Variants in POLR1A observed in about 807,000 individuals in gnomAD.
The protein encoded by POLR1A is RNA polymerase I subunit A.
A neutral mutation model predicts 205.3 loss-of-function variants in POLR1A; 84 were observed. The ratio of observed to expected loss-of-function variants is 0.41; its 90% CI spans 0.34 to 0.49. The LOEUF (loss-of-function observed/expected upper bound fraction) is 0.49. Ranked by LOEUF, POLR1A falls within the 20% of genes least tolerant of loss-of-function variation. POLR1A has a pLI of 0.22. For missense variants in POLR1A, 1,645 were observed against 2,204.5 expected (o/e 0.75, Z 5.08); for synonymous variants, 799 against 863.7 (o/e 0.93, Z 1.31).
intron 1 of POLR1A, among the ~76,000 whole-genome samples, chr2:86,104,796 A>C (rs1403363612): frequency 1.3e-5 from 2 of 152,242 alleles, no homozygotes; most frequent in Non-Finnish European, 2.9e-5. Context: ...TTTGATATGC[A>C]TTTAAGATCT....
At chr2:86,063,241 A>C (rs986780892) in intron 14 of POLR1A, among the ~76,000 whole-genome samples, 2 of 141,500 alleles carry the variant, frequency 1.4e-5, no homozygotes, top group African/African-American at 5.1e-5. Context: ...AGGCTGAGGC[A>C]GGAGAATTGC....
rs555732708 is a variant in POLR1A at position 86,049,808 on chromosome 2, TG to T, written c.2393-567del. Among the ~76,000 whole-genome samples the T allele has an allele frequency of 5.3e-5, 8 of 152,328 alleles. No individual in the cohort carries two copies. In the South Asian group the frequency reaches 8.3e-4, roughly 16 times the overall value. On this transcript the variant is annotated intron_variant, in intron 16 of 33. Transcript: ENST00000263857. ...GCATTGCTTCAGGAGGATGACAGCC[TG>T]GGTCACTTCAGTGAAGCCTGCCCTT...
chr2:86,088,769 G>A lies in POLR1A; in HGVS notation c.626+16C>T, dbSNP rs754530960. ...CCCAGAGACGTCTCACCTGGCGCAA[G>A]GGCCCTGATACTTACTTGCAGTGGG... On this transcript the variant is annotated intron_variant, in intron 5 of 33. Transcript: ENST00000263857. The A allele has an allele frequency of 2.5e-6, 4 of 1,610,370 alleles. No homozygotes were observed. The highest frequency in any genetic ancestry group is 1.3e-5 in the African/African-American group (1 of 74,880).
At position 86,100,533 on chromosome 2, in the gene POLR1A, GTCTT is replaced by G. The variant is rs1157336118; in HGVS notation, c.78-365_78-362del. Among the ~76,000 whole-genome samples, 389 of 147,046 alleles carry G rather than the reference GTCTT, an allele frequency of 2.6e-3. 1 individual carries two copies. The highest frequency in any genetic ancestry group is 9.5e-3 in the African/African-American group (367 of 38,522). ...ACTGCTTCACAGGCAGCATTATTCTGTCTTTTTTTTTTTTTTTTTAACAAGGTCT... is the reference window on the plus strand; with the variant it reads ...ACTGCTTCACAGGCAGCATTATTCTGTTTTTTTTTTTTTTTAACAAGGTCT... On this transcript the variant is annotated intron_variant, in intron 1 of 33. Coordinates refer to ENST00000263857, the MANE Select transcript of POLR1A (RefSeq NM_015425.6).
At position 86,031,453 on chromosome 2, in the gene POLR1A, T is replaced by C; in HGVS notation, c.4455A>G (p.Lys1485=). 1.2e-6 allele frequency: 2 copies of C among 1,614,086 alleles called. No homozygotes were observed. The highest frequency in any genetic ancestry group is 1.7e-6 in the Non-Finnish European group (2 of 1,179,984). The change falls in exon 30 of 34, where the codon AAA becomes AAG. Residue 1485 remains lysine, a synonymous_variant. Transcript: ENST00000263857. ...SLPALLTQPR[K]PTHSQEPQGP... ...CCTGGGGCTCCTGGCTGTGGGTGGG[T>C]TTCCGGGGCTGCGTCAGGAGGGCGG...
rs902459870 is a variant in POLR1A, at chr2:86,075,065, C to T, written c.1576G>A (p.Ala526Thr). The T allele has an allele frequency of 6.2e-7, 1 of 1,611,744 alleles. No individual in the cohort carries two copies. The highest frequency in any genetic ancestry group is 8.5e-7 in the Non-Finnish European group (1 of 1,179,768). The change falls in exon 12 of 34, where the codon GCC becomes ACC. Residue 526 changes from alanine (A) to threonine (T), a missense_variant. This residue lies in a region of POLR1A where 131 missense variants were observed against 214.5 expected (regional missense o/e 0.61). Transcript: ENST00000263857. Reference protein sequence around the residue: ...EAVAKQLLTPATGAPKPQGTK... With the variant: ...EAVAKQLLTPTTGAPKPQGTK... The stretch of plus-strand genomic sequence containing the variant: ...CCCTGGGGCTTAGGTGCCCCCGTGG[C>T]TGGGGTCAGAAGCTGCTTGGCCACG...
At position 86,085,758 on chromosome 2, in the gene POLR1A, A is replaced by G. The variant is rs567782799; in HGVS notation, c.731-2590T>C. On this transcript the variant is annotated intron_variant, in intron 6 of 33. Transcript: ENST00000263857. Reference sequence around the variant, plus strand: ...ATCCCCTCCTAACAAGAACTTCTGCAGCTTGCAACAATGCCTTCTGCCTAG... The same window carrying G: ...ATCCCCTCCTAACAAGAACTTCTGCGGCTTGCAACAATGCCTTCTGCCTAG... Among the ~76,000 whole-genome samples the G allele has an allele frequency of 3.9e-5, 6 of 152,342 alleles. No homozygotes were observed. The East Asian group carries it at 9.7e-4, about 25-fold the overall frequency.
At chr2:86,046,044 G>A (rs57150140) in intron 19 of POLR1A, among the ~76,000 whole-genome samples, 1,686 of 141,890 alleles carry the variant, frequency 0.012, 34 homozygotes, top group East Asian at 0.1. Context: ...ACCATCTCAT[G>A]TTATACCTGT....
intron 3 of POLR1A, among the ~76,000 whole-genome samples, chr2:86,093,419 T>C (rs10427394): frequency 0.79 from 120,212 of 152,196 alleles, 48,907 homozygotes; most frequent in South Asian, 0.88. Flanking sequence ...TCTATAAACA[T>C]GGACACTCAC....
At chr2:86,063,587 CACAA>C (rs1673037725) in intron 14 of POLR1A, among the ~76,000 whole-genome samples, 1 of 152,074 alleles carries the variant, frequency 6.6e-6, no homozygotes, top group African/African-American at 2.4e-5. Context: ...CAATATCTAT[CACAA>C]ACACAGAAGT....
chr2:86,050,239 G>C (rs542844780), intron 16 of POLR1A, among the ~76,000 whole-genome samples: 6 of 152,310 alleles, frequency 3.9e-5, no homozygotes, highest in Admixed American at 1.3e-4. Flanking sequence ...TTCTGCAACT[G>C]TAAGTGCTAC....
At chr2:86,105,613 G>A in intron 1 of POLR1A, 87 bp downstream of exon 1, 4 of 856,678 alleles carry the variant, frequency 4.7e-6, no homozygotes, top group Non-Finnish European at 7.9e-6. Context: ...CAAGAGGATA[G>A]ACTGGGCAAA....
chr2:86,035,077 G>A (rs889189542), intron 27 of POLR1A, among the ~76,000 whole-genome samples: 21 of 152,166 alleles, frequency 1.4e-4, no homozygotes, highest in Admixed American at 4.6e-4. Context: ...CACCATGTTG[G>A]CCAGGCTGAT....
rs2104394616 is a variant in POLR1A, at chr2:86,047,954, C to T, written c.2635-691G>A. 2.0e-5 allele frequency among the ~76,000 whole-genome samples: 3 copies of T among 152,278 alleles called. No individual in the cohort carries two copies. In the South Asian group the frequency reaches 6.2e-4, roughly 32 times the overall value. On this transcript the variant is annotated intron_variant, in intron 18 of 33. Coordinates refer to ENST00000263857, the MANE Select transcript of POLR1A (RefSeq NM_015425.6). Reference sequence around the variant, plus strand: ...CATTCTGAGATGCATCTGAAGACAACTTCCCTACTCCTAGCATCCCCAGTC... The same window carrying T: ...CATTCTGAGATGCATCTGAAGACAATTTCCCTACTCCTAGCATCCCCAGTC...
At chr2:86,060,073 A>G (rs1672968834) in intron 14 of POLR1A, among the ~76,000 whole-genome samples, 1 of 152,246 alleles carries the variant, frequency 6.6e-6, no homozygotes, top group South Asian at 2.1e-4. Flanking sequence ...CTAGACACCA[A>G]TCATAAACAA....
Position 86,088,666 on chromosome 2 carries a change from G to A in POLR1A, c.630C>T (p.Thr210=), listed in dbSNP as rs768431800. 1.3e-5 allele frequency: 21 copies of A among 1,613,242 alleles called. No individual in the cohort carries two copies. The highest frequency in any genetic ancestry group is 2.2e-5 in the East Asian group (1 of 44,880). Reference sequence around the variant, plus strand: ...GTTCCTTTCGGACAACGGATCGCCCGGTCCTGTGCAGGAGGACAGTTGTGA... The same window carrying A: ...GTTCCTTTCGGACAACGGATCGCCCAGTCCTGTGCAGGAGGACAGTTGTGA... ...MNAKRCPHCK[T]GRSVVRKEHN... Residue 210 remains threonine, a synonymous_variant, in exon 6 of 34, where the codon ACC becomes ACT. Transcript: ENST00000263857.
In POLR1A at chr2:86,028,497, C is replaced by T. The variant is rs113519895; in HGVS notation, c.4897+97G>A. 512 of 830,970 alleles carry T rather than the reference C, an allele frequency of 6.2e-4. 2 individuals carry two copies. The highest frequency in any genetic ancestry group is 5.0e-3 in the African/African-American group (303 of 60,366). 51.5% of individuals were successfully genotyped at this position (830,970 alleles called of 1,614,324 possible). ...TGCCTGCCTTAGTGCTGGACTGACT[C>T]GGTGCTGGACCGACACGGTCCTGAC... On this transcript the variant is annotated intron_variant, in intron 32 of 33. Coordinates refer to ENST00000263857, the MANE Select transcript of POLR1A (RefSeq NM_015425.6). The surrounding 1 kb of genome is among the most constrained non-coding windows in gnomAD (Gnocchi z 4.5).
At chr2:86,049,845 G>A (rs373317739) in intron 16 of POLR1A, among the ~76,000 whole-genome samples, 40 of 152,300 alleles carry the variant, frequency 2.6e-4, no homozygotes, top group East Asian at 1.9e-3. Context: ...CTGGCTCAAA[G>A]GGTTGAGGAA....
At chr2:86,087,565 C>A (rs187574394) in intron 6 of POLR1A, among the ~76,000 whole-genome samples, 4 of 152,186 alleles carry the variant, frequency 2.6e-5, no homozygotes, top group Non-Finnish European at 5.9e-5. Flanking sequence ...TTTTCTGAGA[C>A]GGAGTCTTGC....
Sources: allele counts gnomAD v4.1 joint callset (sites outside exome capture counted in the v4.1 genomes callset), GRCh38; gene constraint gnomAD v4.1.1; regional missense constraint gnomAD v4.1.1; non-coding constraint Gnocchi (gnomAD v3.1); transcripts MANE v1.5; gene names NCBI Gene and HGNC (gene_info 2026-07-23, HGNC 2026-07-21).